The following TSPAN2 variants were observed in gnomAD, a reference collection of about 807,000 sequenced individuals.
TSPAN2 encodes tetraspanin 2, also known as tetraspanin-2.
Under a neutral mutation model 33.3 loss-of-function variants are expected in TSPAN2, and 24 were observed. That is an observed-to-expected ratio of 0.72 (90% CI 0.52 to 1.01). The LOEUF is 1.01. TSPAN2 is among the 50% of genes least tolerant of loss of function. TSPAN2 has a pLI of 0.00. For synonymous variants in TSPAN2, 114 were observed against 104.5 expected, an observed-to-expected ratio of 1.09 and a Z score of -0.56; for missense variants, 278 against 281.3, an observed-to-expected ratio of 0.99 and a Z score of 0.08.
At chr1:115,087,229 T>C (rs72697939) in intron 1 of TSPAN2, among the ~76,000 whole-genome samples, 37,073 of 151,868 alleles carry the variant, frequency 0.24, 4,965 homozygotes, top group East Asian at 0.4. Context: ...TGAGAATTTG[T>C]ATTTCTGACA....
intron 2 of TSPAN2, among the ~76,000 whole-genome samples, chr1:115,066,196 C>T (rs1209003364): frequency 6.6e-6 from 1 of 152,192 alleles, no homozygotes; most frequent in African/African-American, 2.4e-5. Context: ...ATGAAAAGTG[C>T]TGCAATAAAC....
At position 115,081,446 on chromosome 1, in the gene TSPAN2, T is replaced by C. The variant is rs114575544; in HGVS notation, c.69+7918A>G. ...CTGGAATATCTGCCAACTGTTCTTC[T>C]AGAAATTCACCTCTTCTGGGTGTTC... On this transcript the variant is annotated intron_variant, in intron 1 of 7. Transcript: ENST00000369516. 5.2e-3 allele frequency among the ~76,000 whole-genome samples: 792 copies of C among 152,356 alleles called. 9 individuals carry two copies. The highest frequency in any genetic ancestry group is 0.018 in the African/African-American group (736 of 41,586).
intron 7 of TSPAN2, 85 bp downstream of exon 7, chr1:115,053,294 A>G: frequency 8.4e-7 from 1 of 1,188,564 alleles, no homozygotes. Context: ...CTCTCTTAAG[A>G]TACTATCACA....
chr1:115,081,245 C>G (rs1308407624), intron 1 of TSPAN2, among the ~76,000 whole-genome samples: 1 of 152,150 alleles, frequency 6.6e-6, no homozygotes, highest in Non-Finnish European at 1.5e-5. Context: ...GGTCCATTCA[C>G]AGAAGGCTAG....
At chr1:115,052,635 T>G (rs1647220567) in intron 7 of TSPAN2, among the ~76,000 whole-genome samples, 1 of 152,172 alleles carries the variant, frequency 6.6e-6, no homozygotes, top group African/African-American at 2.4e-5. Flanking sequence ...TCCGCTGCTA[T>G]CCATTCTTCC....
chr1:115,080,251 G>T (rs775858131), intron 1 of TSPAN2, among the ~76,000 whole-genome samples: 2 of 152,150 alleles, frequency 1.3e-5, no homozygotes, highest in Non-Finnish European at 2.9e-5. Flanking sequence ...GGAACATCAA[G>T]AATTAGGAGA....
intron 7 of TSPAN2, among the ~76,000 whole-genome samples, chr1:115,051,667 A>G (rs182330306): frequency 6.6e-6 from 1 of 152,154 alleles, no homozygotes; most frequent in Non-Finnish European, 1.5e-5. Flanking sequence ...ATTCCATCCT[A>G]AGTCAGACTA....
Position 115,048,929 on chromosome 1 carries a change from G to C in TSPAN2, c.*1561C>G, listed in dbSNP as rs754289037. 1 of 152,156 alleles carries C rather than the reference G, an allele frequency of 6.6e-6. No individual in the cohort carries two copies. Among genetic ancestry groups the C allele is most frequent in the South Asian group, 2.1e-4 (1 of 4,832 alleles). The allele number at this position is 152,156 out of a possible 1,614,324, so 9.4% of individuals were successfully genotyped here. A position where few individuals can be genotyped will look rare whatever the true frequency, so the allele number is the denominator to read the frequency against. ...AAGAGAAATGTGGTTCTCCATGGGAGAGAGACTATTTCAAGCAGTCATATC... is the reference window on the plus strand; with the variant it reads ...AAGAGAAATGTGGTTCTCCATGGGACAGAGACTATTTCAAGCAGTCATATC... On this transcript the variant is annotated 3_prime_UTR_variant, in exon 8 of 8. Coordinates refer to ENST00000369516, the MANE Select transcript of TSPAN2 (RefSeq NM_005725.6).
At chr1:115,059,542 A>T (rs1367654444) in intron 4 of TSPAN2, among the ~76,000 whole-genome samples, 2 of 152,212 alleles carry the variant, frequency 1.3e-5, no homozygotes, top group Non-Finnish European at 2.9e-5. Flanking sequence ...CTGTTACCCC[A>T]TTGGTTAAAA....
intron 7 of TSPAN2, among the ~76,000 whole-genome samples, chr1:115,051,841 T>G (rs1433057146): frequency 6.6e-6 from 1 of 152,172 alleles, no homozygotes; most frequent in Admixed American, 6.5e-5. Context: ...CACTTTTAGT[T>G]AGCTGATTAC....
chr1:115,058,850 C>T (rs1198830550), intron 5 of TSPAN2, 33 bp downstream of exon 5: 1 of 1,498,858 alleles, frequency 6.7e-7, no homozygotes, highest in South Asian at 1.1e-5. Context: ...TCTTTAGAAG[C>T]TGTGATTTTA....
At chr1:115,065,631 C>T (rs944545368) in intron 2 of TSPAN2, among the ~76,000 whole-genome samples, 8 of 152,066 alleles carry the variant, frequency 5.3e-5, no homozygotes, top group South Asian at 2.1e-4. Flanking sequence ...CTTACTGATA[C>T]ATAATAGTTG....
chr1:115,053,230 T>TTC (rs1647257633), intron 7 of TSPAN2, 149 bp downstream of exon 7: 1 of 681,072 alleles, frequency 1.5e-6, no homozygotes, highest in Non-Finnish European at 2.5e-6. Context: ...ATGAGCTTTG[T>TTC]TCTTAGAAGA....
chr1:115,074,552 G>A (rs1409640633), intron 1 of TSPAN2, among the ~76,000 whole-genome samples: 1 of 152,038 alleles, frequency 6.6e-6, no homozygotes, highest in Non-Finnish European at 1.5e-5. Flanking sequence ...TCTGAAAGAC[G>A]TCTGCATTTA....
intron 1 of TSPAN2, among the ~76,000 whole-genome samples, chr1:115,089,037 G>T (rs1327970740): frequency 1.0e-5 from 1 of 98,126 alleles, no homozygotes; most frequent in Non-Finnish European, 2.2e-5. Flanking sequence ...CAAGTCCTCC[G>T]GAGGTGAGGA....
intron 7 of TSPAN2, among the ~76,000 whole-genome samples, chr1:115,053,134 G>GTTA (rs1297353383): frequency 1.3e-5 from 2 of 152,134 alleles, no homozygotes; most frequent in Non-Finnish European, 2.9e-5. Context: ...AAAACGGGAA[G>GTTA]TTAATAACAA....
chr1:115,052,249 A>G (rs760460513), intron 7 of TSPAN2, among the ~76,000 whole-genome samples: 44 of 152,160 alleles, frequency 2.9e-4, no homozygotes, highest in Non-Finnish European at 2.4e-4. Flanking sequence ...TGCTCTAAAT[A>G]CAGAAAAGGG....
At chr1:115,064,813 G>A (rs1306531981) in intron 2 of TSPAN2, among the ~76,000 whole-genome samples, 1 of 152,118 alleles carries the variant, frequency 6.6e-6, no homozygotes, top group Non-Finnish European at 1.5e-5. Context: ...TTCGCACCCC[G>A]AGACACCCTG....
At chr1:115,079,365 G>A (rs1311761927) in intron 1 of TSPAN2, among the ~76,000 whole-genome samples, 3 of 151,898 alleles carry the variant, frequency 2.0e-5, no homozygotes, top group Non-Finnish European at 4.4e-5. Flanking sequence ...CATCCCCATT[G>A]GAATCACATA....
Sources: allele counts gnomAD v4.1 joint callset (sites outside exome capture counted in the v4.1 genomes callset), GRCh38; gene constraint gnomAD v4.1.1; transcripts MANE v1.5; gene names NCBI Gene and HGNC (gene_info 2026-07-23, HGNC 2026-07-21).